SYT1: variants seen among roughly 807,000 people sequenced by gnomAD.
The protein encoded by SYT1 is synaptotagmin-1.
A neutral mutation model predicts 44.8 loss-of-function variants in SYT1; 8 were observed. The ratio of observed to expected loss-of-function variants is 0.18; its 90% CI spans 0.10 to 0.32. The LOEUF is 0.32. Ranked by LOEUF, SYT1 falls within the 10% of genes least tolerant of loss-of-function variation. The pLI is 1.00. For missense variants in SYT1, 286 were observed against 509.3 expected (o/e 0.56, Z 4.22); for synonymous variants, 154 against 188.8 (o/e 0.82, Z 1.51).
At chr12:79,013,784 T>C (rs554030865) in intron 2 of SYT1, among the ~76,000 whole-genome samples, 3 of 151,958 alleles carry the variant, frequency 2.0e-5, no homozygotes, top group African/African-American at 7.2e-5. Context: ...CTTATGAAGG[T>C]TTTCTTCATG....
intron 1 of SYT1, among the ~76,000 whole-genome samples, chr12:78,879,977 C>T (rs970369261): frequency 6.6e-6 from 1 of 151,730 alleles, no homozygotes; most frequent in Admixed American, 6.6e-5. Flanking sequence ...ATATAGGTAT[C>T]AACTATTCAG....
At chr12:78,916,510 AC>A (rs1876663513) in intron 1 of SYT1, among the ~76,000 whole-genome samples, 1 of 151,900 alleles carries the variant, frequency 6.6e-6, no homozygotes, top group South Asian at 2.1e-4. Flanking sequence ...CTCTTATCCT[AC>A]TTTTTTGTAG....
intron 9 of SYT1, among the ~76,000 whole-genome samples, chr12:79,432,774 C>T (rs146690608): frequency 2.6e-5 from 4 of 152,006 alleles, no homozygotes; most frequent in South Asian, 2.1e-4. Flanking sequence ...CAACCACACC[C>T]GGCTAATTTT....
At chr12:79,159,312 G>T (rs948268132) in intron 3 of SYT1, among the ~76,000 whole-genome samples, 1 of 152,158 alleles carries the variant, frequency 6.6e-6, no homozygotes, top group African/African-American at 2.4e-5. Context: ...TTATCCTGAG[G>T]ACTGACAAAG....
chr12:78,956,992 C>T (rs1392977523), intron 1 of SYT1, among the ~76,000 whole-genome samples: 1 of 152,118 alleles, frequency 6.6e-6, no homozygotes, highest in Non-Finnish European at 1.5e-5. Context: ...ATCCTTTGTC[C>T]ATTTTATCAG....
At chr12:79,418,426 T>C (rs1190560071) in intron 9 of SYT1, among the ~76,000 whole-genome samples, 1 of 152,160 alleles carries the variant, frequency 6.6e-6, no homozygotes, top group Non-Finnish European at 1.5e-5. Context: ...GGCTTAAAAG[T>C]AATTGATTTA....
intron 3 of SYT1, among the ~76,000 whole-genome samples, chr12:79,183,392 C>A (rs568531512): frequency 6.6e-6 from 1 of 152,074 alleles, no homozygotes; most frequent in South Asian, 2.1e-4. Flanking sequence ...ATACTGCCCC[C>A]AGGGGACATG....
At chr12:79,414,932 A>G (rs1176958458) in intron 9 of SYT1, among the ~76,000 whole-genome samples, 6 of 152,170 alleles carry the variant, frequency 3.9e-5, no homozygotes, top group Admixed American at 1.3e-4. Flanking sequence ...AGTGATGTGC[A>G]AAACAGACAA....
intron 4 of SYT1, among the ~76,000 whole-genome samples, chr12:79,253,483 G>GTCTCTC (rs60179268): frequency 0.079 from 10,176 of 129,272 alleles, 603 homozygotes; most frequent in East Asian, 0.13. Context: ...CCATTGCCCA[G>GTCTCTC]TCTCTCTCTC....
intron 3 of SYT1, among the ~76,000 whole-genome samples, chr12:79,080,252 G>T (rs961634978): frequency 2.6e-5 from 4 of 152,178 alleles, no homozygotes; most frequent in Non-Finnish European, 5.9e-5. Context: ...AAGAAAGAAA[G>T]AATTATGCAA....
intron 1 of SYT1, among the ~76,000 whole-genome samples, chr12:78,885,449 A>G (rs966822828): frequency 5.9e-5 from 9 of 152,040 alleles, no homozygotes; most frequent in African/African-American, 1.2e-4. Flanking sequence ...CATGATTGCT[A>G]TCAAAAAAAT....
At chr12:79,238,514 A>G (rs1256272405) in intron 4 of SYT1, among the ~76,000 whole-genome samples, 1 of 152,188 alleles carries the variant, frequency 6.6e-6, no homozygotes, top group Non-Finnish European at 1.5e-5. Context: ...GAAGTGAGGA[A>G]ACAGAGTGAG....
chr12:79,279,137 G>T (rs1233768446), intron 4 of SYT1, among the ~76,000 whole-genome samples: 1 of 151,688 alleles, frequency 6.6e-6, no homozygotes, highest in Non-Finnish European at 1.5e-5. Flanking sequence ...AAGAAGGAGA[G>T]AATCCTCCCT....
intron 4 of SYT1, among the ~76,000 whole-genome samples, chr12:79,250,286 T>C (rs1877118863): frequency 6.6e-6 from 1 of 152,164 alleles, no homozygotes; most frequent in South Asian, 2.1e-4. Flanking sequence ...CAGAATATGA[T>C]ACCTCCCAGT....
chr12:79,310,390 AC>A (rs1024168106), intron 8 of SYT1, among the ~76,000 whole-genome samples: 2 of 152,068 alleles, frequency 1.3e-5, no homozygotes, highest in African/African-American at 4.8e-5. Flanking sequence ...CTGTTTTGGT[AC>A]CAGTACCATG....
At chr12:79,032,794 G>A (rs951587170) in intron 2 of SYT1, among the ~76,000 whole-genome samples, 4 of 151,188 alleles carry the variant, frequency 2.6e-5, no homozygotes, top group African/African-American at 9.7e-5. Context: ...CTTTTCAAAA[G>A]TGTTACAAAC....
intron 9 of SYT1, among the ~76,000 whole-genome samples, chr12:79,389,219 C>T (rs1003893819): frequency 2.0e-5 from 3 of 152,100 alleles, no homozygotes; most frequent in African/African-American, 7.2e-5. Context: ...TACTATAGAA[C>T]GTCTTACTAA....
chr12:78,984,362 T>A (rs1869495166), intron 2 of SYT1, among the ~76,000 whole-genome samples: 1 of 152,006 alleles, frequency 6.6e-6, no homozygotes. Flanking sequence ...CAATGTATTT[T>A]ATTTATTAAT....
intron 3 of SYT1, among the ~76,000 whole-genome samples, chr12:79,201,920 A>G (rs1266341454): frequency 6.6e-6 from 1 of 152,146 alleles, no homozygotes; most frequent in African/African-American, 2.4e-5. Context: ...TCATAATATC[A>G]AATTATTGAT....
Sources: gnomAD v4.1 joint callset for allele counts (sites outside exome capture counted in the v4.1 genomes callset) on GRCh38, gnomAD v4.1.1 for gene constraint, MANE v1.5 for transcripts, NCBI Gene and HGNC (gene_info 2026-07-23, HGNC 2026-07-21) for gene names.